The following FRMD1 variants were observed in gnomAD, a reference collection of about 807,000 sequenced individuals.
FRMD1 encodes FERM domain containing 1.
FRMD1 carries 51 observed loss-of-function variants against 54.9 expected under a neutral mutation model. The ratio of observed to expected loss-of-function variants is 0.93; its 90% CI spans 0.74 to 1.17. FRMD1 has a LOEUF of 1.17. FRMD1 is among the 50% of genes most tolerant of loss of function. The probability of loss-of-function intolerance (pLI) is 0.00; values close to 1 mark genes in which losing one functional copy is unlikely to be tolerated. For synonymous variants in FRMD1, 324 were observed against 306.4 expected, an observed-to-expected ratio of 1.06 and a Z score of -0.60; for missense variants, 729 against 743.0, an observed-to-expected ratio of 0.98 and a Z score of 0.22.
At chr6:168,091,046 C>T (rs9455951) in intron 1 of FRMD1, among the ~76,000 whole-genome samples, 2,377 of 152,286 alleles carry the variant, frequency 0.016, 72 homozygotes, top group African/African-American at 0.054. Context: ...GGAGAAGGTG[C>T]CTGTAAACTA....
At chr6:168,078,449 T>C (rs1800686871) in intron 1 of FRMD1, among the ~76,000 whole-genome samples, 1 of 152,058 alleles carries the variant, frequency 6.6e-6, no homozygotes, top group Non-Finnish European at 1.5e-5. Context: ...CACAGACACC[T>C]GGCCTAAGCA....
At chr6:168,061,693 GAGGCCACAACAATAAGAGACAGA>G (rs2114962227) in intron 8 of FRMD1, 91 bp downstream of exon 8, 1 of 1,140,562 alleles carries the variant, frequency 8.8e-7, no homozygotes, top group Non-Finnish European at 1.2e-6. Flanking sequence ...TGGGAGTCAG[GAGGCCACAACAATAAGAGACAGA>G]AGGCATAGTC....
intron 1 of FRMD1, among the ~76,000 whole-genome samples, chr6:168,087,084 T>G (rs1800934187): frequency 6.6e-6 from 1 of 152,010 alleles, no homozygotes; most frequent in South Asian, 2.1e-4. Flanking sequence ...TTTTTTTTTC[T>G]TCATGTGGTG....
At chr6:168,086,241 GTGGACACCCGCGTCCCCAGCA>G (rs1193803507), upstream of FRMD1, among the ~76,000 whole-genome samples, 26 of 146,194 alleles carry the variant, frequency 1.8e-4, no homozygotes, top group African/African-American at 3.9e-4. Context: ...CATCTTCAGT[GTGGACACCCGCGTCCCCAGCA>G]TGGACACCCG....
At chr6:168,076,984 T>C (rs1007572185) in intron 1 of FRMD1, among the ~76,000 whole-genome samples, 4 of 151,964 alleles carry the variant, frequency 2.6e-5, no homozygotes, top group African/African-American at 7.3e-5. Context: ...TAGATACGGA[T>C]GCGTGCACAC....
At chr6:168,079,902 CACAGTGTTAG>C (rs1253264794), upstream of FRMD1, among the ~76,000 whole-genome samples, 2 of 152,194 alleles carry the variant, frequency 1.3e-5, no homozygotes, top group African/African-American at 4.8e-5. Context: ...AGCTCTTTGG[CACAGTGTTAG>C]GTGGGGAAGG....
chr6:168,073,829 G>A (rs907207066), intron 2 of FRMD1, among the ~76,000 whole-genome samples: 4 of 152,078 alleles, frequency 2.6e-5, no homozygotes, highest in African/African-American at 7.2e-5. Context: ...CCGGTGTCCC[G>A]TGCAGGGTCC....
chr6:168,061,934 C>A lies in FRMD1; in HGVS notation c.918G>T (p.Lys306Asn), dbSNP rs527818745. Residue 306 changes from lysine to asparagine, a missense_variant, in exon 8 of 11, where the codon AAG (lysine) becomes AAT (asparagine). Transcript: ENST00000283309. Reference protein sequence around the residue: ...IQLDGLPAAQKLVYYTGCTWR... With the variant: ...IQLDGLPAAQNLVYYTGCTWR... ...AGGTGCACCCCGTGTAGTAAACCAG[C>A]TTCTGTGCTGCGGGCAGCCCATCCA... The A allele has an allele frequency of 1.2e-6, 2 of 1,600,932 alleles. No homozygotes were observed. Among genetic ancestry groups the A allele is most frequent in the South Asian group, 2.3e-5 (2 of 88,522 alleles).
upstream of FRMD1, among the ~76,000 whole-genome samples, chr6:168,081,055 C>T (rs1416598976): frequency 1.3e-5 from 2 of 152,208 alleles, no homozygotes; most frequent in African/African-American, 4.8e-5. Flanking sequence ...CTCCTTCCTT[C>T]CCACCCAGAG....
chr6:168,074,549 T>TTG (rs1800473407), intron 2 of FRMD1, among the ~76,000 whole-genome samples: 2 of 137,566 alleles, frequency 1.5e-5, no homozygotes, highest in Non-Finnish European at 3.1e-5. Flanking sequence ...TAGTGTGTAA[T>TTG]TGTGTGCATG....
chr6:168,065,375 G>A (rs1160616721), intron 4 of FRMD1: 1 of 1,115,586 alleles, frequency 9.0e-7, no homozygotes, highest in Non-Finnish European at 1.1e-6. Context: ...GAGGTGCACA[G>A]AGCCCGGGCG....
chr6:168,091,816 G>A (rs952153381), intron 1 of FRMD1, among the ~76,000 whole-genome samples: 57 of 152,236 alleles, frequency 3.7e-4, no homozygotes, highest in African/African-American at 1.2e-3. Context: ...AACGGCCTCT[G>A]TTCTGCAACC....
chr6:168,064,738 C>G lies in FRMD1; in HGVS notation c.648+133G>C, dbSNP rs1799938149. On this transcript the variant is annotated intron_variant, in intron 5 of 10. Coordinates refer to ENST00000283309, the MANE Select transcript of FRMD1 (RefSeq NM_024919.6). The stretch of plus-strand genomic sequence containing the variant: ...CAGGACAGAAGGACAGGTGATTGCC[C>G]TGTTTCCATCCCTGACCCTTGCTCC... 2.4e-5 allele frequency: 34 copies of G among 1,430,252 alleles called. No individual in the cohort carries two copies. In the South Asian group the frequency reaches 5.0e-4, roughly 21 times the overall value. The allele number at this position is 1,430,252 out of a possible 1,614,324, so 88.6% of individuals were successfully genotyped here.
chr6:168,073,327 C>T (rs1800402368), intron 2 of FRMD1, among the ~76,000 whole-genome samples: 1 of 151,338 alleles, frequency 6.6e-6, no homozygotes, highest in African/African-American at 2.4e-5. Flanking sequence ...GAGTCTGACA[C>T]AGGAAGCCCC....
rs1799609424 is a variant in FRMD1 at position 168,059,583 on chromosome 6, G to A, written c.1343-395C>T. On this transcript the variant is annotated intron_variant, in intron 9 of 10. Transcript: ENST00000283309. The surrounding 1 kb of genome is among the most constrained non-coding windows in gnomAD (Gnocchi z 4.4). ...GTTTTGTGACCCTGGATGGCCCTGG[G>A]TGACTGTAGGTGATGCTGGGCGGTC... 6.6e-6 allele frequency among the ~76,000 whole-genome samples: 1 copy of A among 152,158 alleles called. No individual in the cohort carries two copies. The highest frequency in any genetic ancestry group is 1.5e-5 in the Non-Finnish European group (1 of 68,012).
intron 1 of FRMD1, among the ~76,000 whole-genome samples, chr6:168,078,293 C>T (rs1800680377): frequency 6.6e-6 from 1 of 152,098 alleles, no homozygotes; most frequent in Non-Finnish European, 1.5e-5. Context: ...ACAGGAGCTG[C>T]TCCTTGGAAA....
chr6:168,084,755 A>G (rs1446160408), upstream of FRMD1, among the ~76,000 whole-genome samples: 1 of 152,180 alleles, frequency 6.6e-6, no homozygotes, highest in Non-Finnish European at 1.5e-5. Context: ...CTTCTGTGTT[A>G]TCCTCCCAAG....
In FRMD1 at chr6:168,079,007, G is replaced by T. The variant is rs1365656102; in HGVS notation, c.88C>A (p.Pro30Thr). ...CTGCATGCAGGCCTCTCAGGACTGG[G>T]TTCCATACATCGCGCCCCTGAAGGA... The part of the protein sequence containing the change: ...FPPSGARCME[P>T]SPERPACSQQ... Residue 30 changes from proline to threonine, a missense_variant, in exon 1 of 11, where the codon CCC (proline) becomes ACC (threonine). Transcript: ENST00000283309. The T allele has an allele frequency of 6.2e-7, 1 of 1,612,438 alleles. No homozygotes were observed. The highest frequency in any genetic ancestry group is 1.3e-5 in the African/African-American group (1 of 75,030).
At position 168,078,984 on chromosome 6, in the gene FRMD1, G is replaced by A. The variant is rs150027817; in HGVS notation, c.111C>T (p.Cys37=). Reference sequence around the variant, plus strand: ...TTCCCAGGGTCGGCTCCTGCTGACTGCATGCAGGCCTCTCAGGACTGGGTT... The same window carrying A: ...TTCCCAGGGTCGGCTCCTGCTGACTACATGCAGGCCTCTCAGGACTGGGTT... The part of the protein sequence containing the change: ...CMEPSPERPA[C]SQQEPTLGMD... Residue 37 remains cysteine (C), a synonymous_variant, in exon 1 of 11, where the codon TGC becomes TGT. Coordinates refer to ENST00000283309, the MANE Select transcript of FRMD1 (RefSeq NM_024919.6). 1 of 1,612,114 alleles carries A rather than the reference G, an allele frequency of 6.2e-7. No homozygotes were observed. The highest frequency in any genetic ancestry group is 8.5e-7 in the Non-Finnish European group (1 of 1,179,930).
Sources: gnomAD v4.1 joint callset for allele counts (sites outside exome capture counted in the v4.1 genomes callset) on GRCh38, gnomAD v4.1.1 for gene constraint, Gnocchi (gnomAD v3.1) non-coding constraint, MANE v1.5 for transcripts, NCBI Gene and HGNC (gene_info 2026-07-23, HGNC 2026-07-21) for gene names.